ARHGEF10L: variants seen among roughly 807,000 people sequenced by gnomAD.
ARHGEF10L encodes rho guanine nucleotide exchange factor 10-like protein.
Under a neutral mutation model 141.2 loss-of-function variants are expected in ARHGEF10L, and 69 were observed. That is an observed-to-expected ratio of 0.49 (90% CI 0.40 to 0.60). The LOEUF is 0.60. Ranked by LOEUF, ARHGEF10L falls within the 20% of genes least tolerant of loss-of-function variation. The pLI is 0.00. For missense variants in ARHGEF10L, 1,482 were observed against 1,734.3 expected (o/e 0.85, Z 2.58); for synonymous variants, 711 against 718.5 (o/e 0.99, Z 0.17).
At chr1:17,611,044 G>T (rs923057653) in intron 7 of ARHGEF10L, among the ~76,000 whole-genome samples, 1 of 152,032 alleles carries the variant, frequency 6.6e-6, no homozygotes, top group African/African-American at 2.4e-5. Context: ...GATCCAGCTG[G>T]ACGGGGACTG....
At chr1:17,680,347 G>A (rs1324544695) in intron 26 of ARHGEF10L, among the ~76,000 whole-genome samples, 1 of 152,242 alleles carries the variant, frequency 6.6e-6, no homozygotes, top group Non-Finnish European at 1.5e-5. Context: ...GACTTTGAGT[G>A]CTGAGCTGCT....
At chr1:17,521,102 T>A in the ARHGEF10L span, among the ~76,000 whole-genome samples, 1 of 152,200 alleles carries the variant, frequency 6.6e-6, no homozygotes. Context: ...TTGGAAGGCA[T>A]TTTGAAGGTC....
chr1:17,609,406 G>A (rs1207206211), intron 7 of ARHGEF10L, among the ~76,000 whole-genome samples: 1 of 152,210 alleles, frequency 6.6e-6, no homozygotes, highest in Non-Finnish European at 1.5e-5. Flanking sequence ...TAGCCAAAAA[G>A]CGAAGCATTT....
chr1:17,607,292 T>A lies in ARHGEF10L; in HGVS notation c.434-510T>A, dbSNP rs2081266149. ...GAGCTCAAGACCAGCCTGGGCAACATAACAAGACTCCGTCTCTACAAAAAA... is the reference window on the plus strand; with the variant it reads ...GAGCTCAAGACCAGCCTGGGCAACAAAACAAGACTCCGTCTCTACAAAAAA... On this transcript the variant is annotated intron_variant, in intron 6 of 28. Coordinates refer to ENST00000361221, the MANE Select transcript of ARHGEF10L (RefSeq NM_018125.4). This position sits in a 1 kb window ranked among gnomAD's most constrained non-coding sequence, Gnocchi z 4.5. 6.6e-6 allele frequency among the ~76,000 whole-genome samples: 1 copy of A among 152,004 alleles called. No homozygotes were observed. The highest frequency in any genetic ancestry group is 1.9e-4 in the East Asian group (1 of 5,178).
At chr1:17,632,592 T>G in intron 16 of ARHGEF10L, 126 bp downstream of exon 16, 3 of 1,232,712 alleles carry the variant, frequency 2.4e-6, no homozygotes, top group Non-Finnish European at 2.3e-6. Context: ...GCTTCCAATA[T>G]TCCTCTCCCA....
intron 9 of ARHGEF10L, among the ~76,000 whole-genome samples, chr1:17,617,333 G>A (rs957181998): frequency 6.6e-6 from 1 of 152,222 alleles, no homozygotes; most frequent in Non-Finnish European, 1.5e-5. Context: ...CTGTGAATAT[G>A]AGTCCTGCCC....
At chr1:17,561,595 G>A (rs1005005488) in intron 1 of ARHGEF10L, among the ~76,000 whole-genome samples, 2 of 152,210 alleles carry the variant, frequency 1.3e-5, no homozygotes, top group East Asian at 3.9e-4. Context: ...CTGACCCCCA[G>A]CCTGAGGCCC....
At chr1:17,618,253 G>GCCCACCCCCCC in intron 9 of ARHGEF10L, 2 of 1,356,212 alleles carry the variant, frequency 1.5e-6, no homozygotes, top group Non-Finnish European at 9.8e-7. Flanking sequence ...GCTCTCCTCA[G>GCCCACCCCCCC]CCCTCCCCAC....
chr1:17,518,777 T>C, the ARHGEF10L span, among the ~76,000 whole-genome samples: 3 of 116,828 alleles, frequency 2.6e-5, no homozygotes, highest in South Asian at 8.1e-4. Context: ...CATTCCAGCC[T>C]GGGTAATAGA....
intron 15 of ARHGEF10L, 34 bp from the exon 16 acceptor site, chr1:17,632,287 A>C: frequency 6.2e-7 from 1 of 1,610,872 alleles, no homozygotes; most frequent in Non-Finnish European, 8.5e-7. Flanking sequence ...CCGGGCCGCG[A>C]TGCTGATGCT....
chr1:17,679,949 G>T (rs952117449), intron 26 of ARHGEF10L, among the ~76,000 whole-genome samples: 21 of 152,156 alleles, frequency 1.4e-4, no homozygotes, highest in Non-Finnish European at 8.8e-5. Context: ...GCCGGGAATG[G>T]GTGGCACAGC....
chr1:17,663,730 A>G (rs2062788046), intron 25 of ARHGEF10L, among the ~76,000 whole-genome samples: 1 of 152,198 alleles, frequency 6.6e-6, no homozygotes, highest in African/African-American at 2.4e-5. Flanking sequence ...AAGTCCTCAG[A>G]GACAATCTTG....
chr1:17,668,476 C>A (rs1253464187), intron 26 of ARHGEF10L, among the ~76,000 whole-genome samples: 1 of 152,256 alleles, frequency 6.6e-6, no homozygotes, highest in Non-Finnish European at 1.5e-5. Context: ...CTGGCGTGAC[C>A]ATCCCTGGGG....
chr1:17,608,379 G>A (rs1036360228), intron 7 of ARHGEF10L, among the ~76,000 whole-genome samples: 2 of 152,172 alleles, frequency 1.3e-5, no homozygotes, highest in Non-Finnish European at 1.5e-5. Context: ...TGCTCTCCCC[G>A]CCTTCTGGGA....
At chr1:17,651,523 T>A (rs1247218645) in intron 22 of ARHGEF10L, among the ~76,000 whole-genome samples, 3 of 152,166 alleles carry the variant, frequency 2.0e-5, no homozygotes, top group Non-Finnish European at 4.4e-5. Context: ...GAGCACAGGA[T>A]GCAGGCTGAG....
chr1:17,613,112 A>G lies in ARHGEF10L; in HGVS notation c.664A>G (p.Ile222Val), dbSNP rs1243810271. Residue 222 changes from isoleucine to valine, a missense_variant, in exon 8 of 29, where the codon ATC becomes GTC. By Grantham distance (29) the Ile-to-Val change is conservative (BLOSUM62 3). Coordinates refer to ENST00000361221, the MANE Select transcript of ARHGEF10L (RefSeq NM_018125.4). ...KERYARTKRD[I>V]LALRVGGRDM... ...GAGATACGCCAGGACTAAGAGAGAC[A>G]TCTTGGCTTTGAGAGTTGGGGGGAG... 1 of 1,614,136 alleles carries G rather than the reference A, an allele frequency of 6.2e-7. No homozygotes were observed. Among genetic ancestry groups the G allele is most frequent in the Non-Finnish European group, 8.5e-7 (1 of 1,180,010 alleles).
chr1:17,524,307 GA>G, the ARHGEF10L span, among the ~76,000 whole-genome samples: 82 of 109,746 alleles, frequency 7.5e-4, no homozygotes, highest in Non-Finnish European at 1.2e-3. Flanking sequence ...TCCGTCTCAA[GA>G]AAAAAAAAAA....
upstream of ARHGEF10L, among the ~76,000 whole-genome samples, chr1:17,539,230 G>A (rs1031063986): frequency 1.3e-5 from 2 of 152,188 alleles, no homozygotes; most frequent in African/African-American, 4.8e-5. This position sits in a 1 kb window ranked among gnomAD's most constrained non-coding sequence, Gnocchi z 6.0. Context: ...GGGGTGGGGG[G>A]CAATACGGGG....
chr1:17,572,874 T>C (rs1016819216), intron 1 of ARHGEF10L, among the ~76,000 whole-genome samples: 5 of 151,934 alleles, frequency 3.3e-5, no homozygotes, highest in Non-Finnish European at 7.4e-5. Flanking sequence ...TCCCCAAAGG[T>C]TGTACCTCAG....
Sources: gnomAD v4.1 joint callset for allele counts (sites outside exome capture counted in the v4.1 genomes callset) on GRCh38, gnomAD v4.1.1 for gene constraint, Gnocchi (gnomAD v3.1) non-coding constraint, MANE v1.5 for transcripts, NCBI Gene and HGNC (gene_info 2026-07-23, HGNC 2026-07-21) for gene names.